WDFY3: variants seen among roughly 807,000 people sequenced by gnomAD.
The protein encoded by WDFY3 is WD repeat and FYVE domain containing 3.
In WDFY3, 66 loss-of-function variants were observed where a neutral mutation model predicts 409.6. The observed-to-expected ratio is 0.16, with a 90% confidence interval of 0.13 to 0.20. The LOEUF is 0.20. WDFY3 is among the 10% of genes least tolerant of loss of function. The pLI is 1.00. For synonymous variants in WDFY3, 1,521 were observed against 1,537.1 expected (o/e 0.99, Z 0.25); for missense variants, 3,031 against 4,298.1 (o/e 0.71, Z 8.24).
intron 62 of WDFY3, among the ~76,000 whole-genome samples, chr4:84,687,144 C>T (rs551323084): frequency 1.3e-5 from 2 of 151,890 alleles, no homozygotes; most frequent in Non-Finnish European, 1.5e-5. Context: ...CATTTCTAAC[C>T]TTCTTCTTCT....
chr4:84,922,807 GCAC>G (rs1480920387), intron 2 of WDFY3, among the ~76,000 whole-genome samples: 2 of 152,072 alleles, frequency 1.3e-5, no homozygotes, highest in Non-Finnish European at 2.9e-5. Context: ...CTACAGGTGT[GCAC>G]CACCATGCCA....
At chr4:84,947,537 AT>A (rs1462158932) in intron 1 of WDFY3, among the ~76,000 whole-genome samples, 98 of 146,720 alleles carry the variant, frequency 6.7e-4, no homozygotes, top group African/African-American at 2.4e-3. Flanking sequence ...AATAATAATA[AT>A]AATAAAAATA....
rs142603133 is a variant in WDFY3, at chr4:84,730,892, T to C, written c.7221+2490A>G. ...CTCGGCTCACCGCAACCTCCACCTC[T>C]CTGGTTCAAGCAATTCTGTCTCAGC... is the stretch of plus-strand genomic sequence containing the variant. On this transcript the variant is annotated intron_variant, in intron 44 of 67. Coordinates refer to ENST00000295888, the MANE Select transcript of WDFY3 (RefSeq NM_014991.6). 7.3e-3 allele frequency among the ~76,000 whole-genome samples: 1,113 copies of C among 151,954 alleles called. 9 individuals carry two copies. Among genetic ancestry groups the C allele is most frequent in the African/African-American group, 0.025 (1,052 of 41,444 alleles).
intron 3 of WDFY3, among the ~76,000 whole-genome samples, chr4:84,896,636 A>T (rs1201572662): frequency 6.6e-6 from 1 of 152,178 alleles, no homozygotes; most frequent in Non-Finnish European, 1.5e-5. Context: ...AATTTCTTGA[A>T]TATCTTTTAA....
At chr4:84,833,764 A>G (rs1756149731) in intron 7 of WDFY3, among the ~76,000 whole-genome samples, 1 of 152,186 alleles carries the variant, frequency 6.6e-6, no homozygotes, top group Non-Finnish European at 1.5e-5. Context: ...CAATAGAGAG[A>G]GGTAGCTGAA....
intron 24 of WDFY3, 34 bp from the exon 25 acceptor site, chr4:84,783,108 A>G (rs759654200): frequency 6.4e-6 from 10 of 1,571,070 alleles, no homozygotes; most frequent in Admixed American, 3.4e-5. Context: ...ATGTAATTAT[A>G]TAAGAACAGT....
At position 84,829,148 on chromosome 4, in the gene WDFY3, G is replaced by A; in HGVS notation, c.812C>T (p.Ser271Leu). ...AATTTCTAGGGGAGACAGGTCATCT[G>A]ATTGCTGCATATTCTGAACACATGT... ...LSTCVQNMQQ[S>L]DDLSPLEIVE... Residue 271 changes from serine to leucine, a missense_variant, in exon 9 of 68, where the codon TCA (serine) becomes TTA (leucine). Coordinates refer to ENST00000295888, the MANE Select transcript of WDFY3 (RefSeq NM_014991.6). 6.2e-7 allele frequency: 1 copy of A among 1,611,682 alleles called. No individual in the cohort carries two copies. The highest frequency in any genetic ancestry group is 8.5e-7 in the Non-Finnish European group (1 of 1,178,472).
chr4:84,829,208 T>C lies in WDFY3; in HGVS notation c.770-18A>G, dbSNP rs762909142. ...CTCTTTCTCTGTAAGAATAGATAAT[T>C]AAATAAATATGCATTATTCCTGACA... On this transcript the variant is annotated intron_variant, in intron 8 of 67. Transcript: ENST00000295888. The C allele has an allele frequency of 6.6e-7, 1 of 1,513,616 alleles. No homozygotes were observed. Among genetic ancestry groups the C allele is most frequent in the African/African-American group, 1.4e-5 (1 of 71,478 alleles). 93.8% of individuals were successfully genotyped at this position (1,513,616 alleles called of 1,614,324 possible). A position where few individuals can be genotyped will look rare whatever the true frequency, so the allele number is the denominator to read the frequency against.
At chr4:84,848,341 T>G (rs1294505746) in intron 5 of WDFY3, among the ~76,000 whole-genome samples, 2 of 151,990 alleles carry the variant, frequency 1.3e-5, no homozygotes, top group Middle Eastern at 3.2e-3. Context: ...AGAGCCTAAA[T>G]TATAAAAGAA....
At chr4:84,682,628 G>A in intron 63 of WDFY3, 158 bp from the exon 64 acceptor site, 1 of 639,586 alleles carries the variant, frequency 1.6e-6, no homozygotes, top group Non-Finnish European at 2.8e-6. Flanking sequence ...TGTGGCAGCG[G>A]GCTGCCTGCA....
At chr4:84,841,029 TAGA>T (rs1301661910) in intron 6 of WDFY3, 122 bp downstream of exon 6, 9 of 806,018 alleles carry the variant, frequency 1.1e-5, no homozygotes, top group East Asian at 2.8e-5. Flanking sequence ...TTAAAAAAGT[TAGA>T]AGAATACAAA....
chr4:84,863,867 T>C (rs1425354600), intron 3 of WDFY3, among the ~76,000 whole-genome samples: 1 of 152,216 alleles, frequency 6.6e-6, no homozygotes, highest in Non-Finnish European at 1.5e-5. Flanking sequence ...ATGGATTTAT[T>C]TCTGGTGTCT....
chr4:84,766,810 T>C (rs1361314547), intron 30 of WDFY3, among the ~76,000 whole-genome samples: 1 of 152,134 alleles, frequency 6.6e-6, no homozygotes, highest in Non-Finnish European at 1.5e-5. Flanking sequence ...GTAAACGTAA[T>C]ACATAAAGAA....
At position 84,713,150 on chromosome 4, in the gene WDFY3, A is replaced by C; in HGVS notation, c.8042+9T>G. The stretch of plus-strand genomic sequence containing the variant: ...TTAAACTGTAACATGCAAGGAACAA[A>C]CCACCTACCCCTGCTCCACACTCGT... On this transcript the variant is annotated intron_variant, in intron 51 of 67. Coordinates refer to ENST00000295888, the MANE Select transcript of WDFY3 (RefSeq NM_014991.6). The C allele has an allele frequency of 6.2e-7, 1 of 1,613,848 alleles. No homozygotes were observed. The highest frequency in any genetic ancestry group is 1.3e-5 in the African/African-American group (1 of 75,034).
intron 5 of WDFY3, among the ~76,000 whole-genome samples, chr4:84,841,791 AT>A (rs1348518081): frequency 1.3e-5 from 2 of 152,340 alleles, no homozygotes; most frequent in East Asian, 3.9e-4. Context: ...TACTGGCTGT[AT>A]TTGATTTTCT....
At chr4:84,802,305 T>C (rs1750730912) in intron 16 of WDFY3, among the ~76,000 whole-genome samples, 1 of 145,714 alleles carries the variant, frequency 6.9e-6, no homozygotes, top group South Asian at 2.2e-4. Flanking sequence ...CAGGTTGGAG[T>C]GCAATTGTGT....
At chr4:84,846,885 G>A (rs914911799) in intron 5 of WDFY3, among the ~76,000 whole-genome samples, 3 of 151,804 alleles carry the variant, frequency 2.0e-5, no homozygotes, top group Admixed American at 1.3e-4. Context: ...CCCCTGAGAG[G>A]CTCAGGAATT....
intron 40 of WDFY3, 88 bp from the exon 41 acceptor site, chr4:84,737,454 C>T: frequency 7.2e-7 from 1 of 1,385,174 alleles, no homozygotes. Flanking sequence ...TTCATGTTTA[C>T]ATGTGGGAAT....
intron 21 of WDFY3, among the ~76,000 whole-genome samples, chr4:84,790,553 C>T (rs1293563209): frequency 1.3e-5 from 2 of 151,830 alleles, no homozygotes; most frequent in Admixed American, 6.6e-5. Flanking sequence ...GAGACAATAA[C>T]GTTATGATAA....
Sources: allele counts gnomAD v4.1 joint callset (sites outside exome capture counted in the v4.1 genomes callset), GRCh38; gene constraint gnomAD v4.1.1; transcripts MANE v1.5; gene names NCBI Gene and HGNC (gene_info 2026-07-23, HGNC 2026-07-21).